The following HLCS variants were observed in gnomAD, a reference collection of about 807,000 sequenced individuals.
The protein encoded by HLCS is holocarboxylase synthetase.
HLCS carries 53 observed loss-of-function variants against 75.0 expected under a neutral mutation model. The observed-to-expected ratio is 0.71, with a 90% CI of 0.57 to 0.89. HLCS has a LOEUF of 0.89. Ranked by LOEUF, HLCS falls within the 40% of genes least tolerant of loss-of-function variation. The pLI is 0.00. For missense variants in HLCS, 966 were observed against 1,074.0 expected (o/e 0.90, Z 1.41); for synonymous variants, 431 against 428.6 (o/e 1.01, Z -0.07).
chr21:36,859,091 T>C lies in HLCS; in HGVS notation c.1892+37769A>G, dbSNP rs1048114713. Among the ~76,000 whole-genome samples, 5 of 152,286 alleles carry C rather than the reference T, an allele frequency of 3.3e-5. No homozygotes were observed. In the East Asian group the frequency reaches 5.8e-4, roughly 18 times the overall value. On this transcript the variant is annotated intron_variant, in intron 6 of 10. Coordinates refer to ENST00000674895, the MANE Select transcript of HLCS (RefSeq NM_001352514.2). ...AGGCTGGATTGCAGTGGTGAGATCC[T>C]GGCTCACTGTAACCTCCACCTCCCG...
rs1410140016 is a variant in HLCS, at chr21:36,966,452, C to T, written c.187G>A (p.Asp63Asn). The T allele has an allele frequency of 4.7e-6, 1 of 211,478 alleles. No individual in the cohort carries two copies. Among genetic ancestry groups the T allele is most frequent in the Non-Finnish European group, 7.6e-6 (1 of 131,498 alleles). The allele number at this position is 211,478 out of a possible 1,614,324, so 13.1% of individuals were successfully genotyped here. A position where few individuals can be genotyped will look rare whatever the true frequency, so the allele number is the denominator to read the frequency against. Reference protein sequence around the residue: ...SRGGRVFCVSDSQSIEDLNKW... With the variant: ...SRGGRVFCVSNSQSIEDLNKW... Reference sequence around the variant, plus strand: ...CCGCCCGACCCGCCCACCTGGCTGTCGCTGACGCAGAAGACGCGGCCGCCA... The same window carrying T: ...CCGCCCGACCCGCCCACCTGGCTGTTGCTGACGCAGAAGACGCGGCCGCCA... The change falls in exon 1 of 11, where the codon GAC (aspartate) becomes AAC (asparagine). Residue 63 changes from aspartate (D) to asparagine (N), a missense_variant. Transcript: ENST00000674895.
At chr21:36,927,919 A>G (rs2835535) in intron 5 of HLCS, among the ~76,000 whole-genome samples, 96,692 of 152,114 alleles carry the variant, frequency 0.64, 31,402 homozygotes, top group African/African-American at 0.76. Flanking sequence ...CCAAATGGAC[A>G]GGCAGGATTT....
intron 6 of HLCS, 78 bp downstream of exon 6, chr21:36,896,782 C>T: frequency 6.6e-7 from 1 of 1,512,950 alleles, no homozygotes; most frequent in Non-Finnish European, 9.2e-7. Flanking sequence ...ACTCTATCCC[C>T]TCCCCGTCTA....
At chr21:36,907,280 A>G (rs2065500903) in intron 5 of HLCS, among the ~76,000 whole-genome samples, 1 of 152,224 alleles carries the variant, frequency 6.6e-6, no homozygotes, top group Non-Finnish European at 1.5e-5. Flanking sequence ...AGATGGAACA[A>G]AATAAGCATG....
intron 6 of HLCS, among the ~76,000 whole-genome samples, chr21:36,772,264 T>C (rs2145798390): frequency 1.3e-5 from 2 of 152,172 alleles, no homozygotes; most frequent in East Asian, 3.9e-4. Context: ...ATTATAGACA[T>C]TATATTGTTA....
At chr21:36,942,638 T>A (rs1051309092) in intron 2 of HLCS, among the ~76,000 whole-genome samples, 2 of 152,204 alleles carry the variant, frequency 1.3e-5, no homozygotes, top group Admixed American at 1.3e-4. Flanking sequence ...TAAATTGAAC[T>A]TCATCAAACA....
chr21:36,822,626 T>C (rs1361571959), intron 6 of HLCS, among the ~76,000 whole-genome samples: 2 of 152,244 alleles, frequency 1.3e-5, no homozygotes, highest in Non-Finnish European at 2.9e-5. Flanking sequence ...CCAGCACATA[T>C]ACATATGCCC....
chr21:36,815,287 C>T (rs544535309), intron 6 of HLCS, among the ~76,000 whole-genome samples: 1 of 152,094 alleles, frequency 6.6e-6, no homozygotes, highest in Admixed American at 6.5e-5. Flanking sequence ...CCTTGGCCCC[C>T]CAAAGTGCTG....
chr21:36,972,170 C>T (rs1465625889), intron 1 of HLCS: 1 of 152,020 alleles, frequency 6.6e-6, no homozygotes, highest in Non-Finnish European at 1.5e-5. Context: ...TTTATTCATT[C>T]CAAAGATTGT....
At chr21:36,803,458 C>T (rs1015930497) in intron 6 of HLCS, among the ~76,000 whole-genome samples, 7 of 152,210 alleles carry the variant, frequency 4.6e-5, no homozygotes, top group East Asian at 1.9e-4. Context: ...TCGCACAGGG[C>T]GACCTTGTGT....
chr21:36,801,430 A>C (rs995699030), intron 6 of HLCS, among the ~76,000 whole-genome samples: 1 of 152,272 alleles, frequency 6.6e-6, no homozygotes, highest in African/African-American at 2.4e-5. Context: ...AAGGAAAAAA[A>C]CACAGGCATC....
At chr21:36,812,894 A>G (rs1326693841) in intron 6 of HLCS, among the ~76,000 whole-genome samples, 1 of 152,140 alleles carries the variant, frequency 6.6e-6, no homozygotes, top group Non-Finnish European at 1.5e-5. Flanking sequence ...CCCTGCCTCT[A>G]TTAAAAATAA....
chr21:36,913,699 T>A (rs968535320), intron 5 of HLCS, among the ~76,000 whole-genome samples: 7 of 152,166 alleles, frequency 4.6e-5, no homozygotes, highest in Middle Eastern at 3.4e-3. Context: ...AAGTGAAGGT[T>A]GCAGTGAGCC....
chr21:36,883,720 A>G (rs2064326784), intron 6 of HLCS, among the ~76,000 whole-genome samples: 1 of 151,060 alleles, frequency 6.6e-6, no homozygotes, highest in Admixed American at 6.6e-5. Context: ...GATTAAACCA[A>G]CTCTTGGTGG....
chr21:36,868,978 C>T (rs533287109), intron 6 of HLCS, among the ~76,000 whole-genome samples: 8 of 152,272 alleles, frequency 5.3e-5, no homozygotes, highest in Admixed American at 2.0e-4. Context: ...ACTGAGGCAC[C>T]GCACAGGTTG....
At chr21:36,984,723 G>A (rs946422115) in intron 1 of HLCS, among the ~76,000 whole-genome samples, 2 of 152,156 alleles carry the variant, frequency 1.3e-5, no homozygotes, top group African/African-American at 4.8e-5. Flanking sequence ...AGGGGTGATG[G>A]CTGCACTCAA....
At chr21:36,819,913 A>G (rs543545463) in intron 6 of HLCS, among the ~76,000 whole-genome samples, 1 of 152,348 alleles carries the variant, frequency 6.6e-6, no homozygotes, top group East Asian at 1.9e-4. Flanking sequence ...TAAAGTAAAA[A>G]TGCTTGTTAA....
chr21:36,787,062 G>C (rs756794145), intron 6 of HLCS, among the ~76,000 whole-genome samples: 5 of 152,236 alleles, frequency 3.3e-5, no homozygotes, highest in African/African-American at 4.8e-5. Flanking sequence ...AGGCAGCACT[G>C]AGTGCAGCCA....
rs938685542 is a variant in HLCS at position 36,891,636 on chromosome 21, G to A, written c.1892+5224C>T. On this transcript the variant is annotated intron_variant, in intron 6 of 10. Coordinates refer to ENST00000674895, the MANE Select transcript of HLCS (RefSeq NM_001352514.2). ...GAGGTAGACCTGGTGTCTGTTAGAA[G>A]CTGTATCCTTACAGGAAACAGCTCT... Among the ~76,000 whole-genome samples, 7 of 152,282 alleles carry A rather than the reference G, an allele frequency of 4.6e-5. No individual in the cohort carries two copies. In the East Asian group the frequency reaches 1.2e-3, roughly 25 times the overall value.
Sources: allele counts gnomAD v4.1 joint callset (sites outside exome capture counted in the v4.1 genomes callset), GRCh38; gene constraint gnomAD v4.1.1; transcripts MANE v1.5; gene names NCBI Gene and HGNC (gene_info 2026-07-23, HGNC 2026-07-21).